Variants in TMCC1 observed in about 807,000 individuals in gnomAD.
TMCC1 encodes the protein transmembrane and coiled-coil domain family 1.
TMCC1 carries 15 observed loss-of-function variants against 52.4 expected under a neutral mutation model. The ratio of observed to expected loss-of-function variants is 0.29; its 90% CI spans 0.19 to 0.44. The LOEUF (loss-of-function observed/expected upper bound fraction) is 0.44, where lower values mean the gene tolerates loss of function less well. TMCC1 is among the 20% of genes least tolerant of loss of function. The probability of loss-of-function intolerance (pLI) is 1.00; values close to 1 mark genes in which losing one functional copy is unlikely to be tolerated. For synonymous variants in TMCC1, 279 were observed against 301.9 expected (o/e 0.92, Z 0.79); for missense variants, 503 against 806.0 (o/e 0.62, Z 4.55).
intron 4 of TMCC1, among the ~76,000 whole-genome samples, chr3:129,790,404 G>A (rs2056371850): frequency 6.6e-6 from 1 of 152,010 alleles, no homozygotes; most frequent in South Asian, 2.1e-4. Context: ...CAGAGATAGG[G>A]GTATGAACTA....
intron 4 of TMCC1, among the ~76,000 whole-genome samples, chr3:129,713,726 G>A (rs976273036): frequency 9.3e-4 from 122 of 131,208 alleles, no homozygotes; most frequent in Non-Finnish European, 8.4e-4. Flanking sequence ...AAAAAAAAAA[G>A]AAAAAAAAAA....
chr3:129,870,242 T>C (rs904866806), intron 2 of TMCC1, among the ~76,000 whole-genome samples: 2 of 152,104 alleles, frequency 1.3e-5, no homozygotes, highest in Admixed American at 6.6e-5. Flanking sequence ...GACAAACATT[T>C]CATTTTTTTC....
At chr3:129,806,137 G>A (rs188477646) in intron 4 of TMCC1, among the ~76,000 whole-genome samples, 2 of 152,202 alleles carry the variant, frequency 1.3e-5, no homozygotes, top group Admixed American at 6.5e-5. Context: ...AGCCTGTATC[G>A]AAGCCCCTTG....
intron 2 of TMCC1, among the ~76,000 whole-genome samples, chr3:129,841,076 T>A (rs552945597): frequency 3.2e-4 from 48 of 152,194 alleles, no homozygotes; most frequent in Non-Finnish European, 5.9e-4. Flanking sequence ...ATATGGACAA[T>A]GAATCCAGGC....
chr3:129,727,572 C>T (rs1416534783), intron 4 of TMCC1, among the ~76,000 whole-genome samples: 1 of 152,142 alleles, frequency 6.6e-6, no homozygotes, highest in Admixed American at 6.5e-5. Flanking sequence ...TTATAAATAA[C>T]AGGCAATCTT....
rs143749003 is a variant in TMCC1, at chr3:129,677,195, G to A, written c.577-5931C>T. ...TGGGGGGATTGCTTGAGCCTGGAAGGTCAAGGCTTCAGTGAGCTGAGATTG... is the reference window on the plus strand; with the variant it reads ...TGGGGGGATTGCTTGAGCCTGGAAGATCAAGGCTTCAGTGAGCTGAGATTG... On this transcript the variant is annotated intron_variant, in intron 4 of 6. Coordinates refer to ENST00000393238, the MANE Select transcript of TMCC1 (RefSeq NM_001017395.5). Among the ~76,000 whole-genome samples, 469 of 152,264 alleles carry A rather than the reference G, an allele frequency of 3.1e-3. 1 individual carries two copies. Among genetic ancestry groups the A allele is most frequent in the Middle Eastern group, 0.01 (3 of 294 alleles).
At chr3:129,815,720 A>G (rs1434845847) in intron 4 of TMCC1, among the ~76,000 whole-genome samples, 1 of 152,166 alleles carries the variant, frequency 6.6e-6, no homozygotes, top group Non-Finnish European at 1.5e-5. Context: ...TCAAAAGCAC[A>G]GGCAACCAAA....
intron 4 of TMCC1, among the ~76,000 whole-genome samples, chr3:129,746,931 T>A (rs1284995785): frequency 6.6e-6 from 1 of 152,208 alleles, no homozygotes; most frequent in Admixed American, 6.5e-5. Context: ...GCAACCTTTT[T>A]AATCCCAATC....
At chr3:129,711,670 C>A (rs1346620975) in intron 4 of TMCC1, among the ~76,000 whole-genome samples, 2 of 151,496 alleles carry the variant, frequency 1.3e-5, no homozygotes, top group Non-Finnish European at 2.9e-5. Context: ...CATGATGAAA[C>A]CCTAACTCTA....
At chr3:129,699,808 T>G (rs1191769769) in intron 4 of TMCC1, among the ~76,000 whole-genome samples, 2 of 152,106 alleles carry the variant, frequency 1.3e-5, no homozygotes, top group African/African-American at 4.8e-5. Flanking sequence ...GGGCATGCCT[T>G]GTAGTCTCAG....
intron 5 of TMCC1, among the ~76,000 whole-genome samples, chr3:129,667,414 C>T (rs1455039738): frequency 6.6e-6 from 1 of 151,926 alleles, no homozygotes; most frequent in Non-Finnish European, 1.5e-5. Flanking sequence ...TGTGACTTTT[C>T]CACTCCCTTT....
rs186145248 is a variant in TMCC1 at position 129,710,141 on chromosome 3, G to C, written c.577-38877C>G. Among the ~76,000 whole-genome samples, 369 of 152,178 alleles carry C rather than the reference G, an allele frequency of 2.4e-3. 4 individuals are homozygous for C. Among genetic ancestry groups the C allele is most frequent in the Admixed American group, 0.019 (291 of 15,278 alleles). On this transcript the variant is annotated intron_variant, in intron 4 of 6. Transcript: ENST00000393238. The stretch of plus-strand genomic sequence containing the variant: ...GTGGAGGTTGTGGTGGGCTGAGATC[G>C]CGCCACTGCTTTCCAGCCTGGGCGA...
intron 2 of TMCC1, among the ~76,000 whole-genome samples, chr3:129,851,634 G>C (rs916954029): frequency 6.6e-6 from 1 of 152,190 alleles, no homozygotes; most frequent in Non-Finnish European, 1.5e-5. Flanking sequence ...GTGCATTGTT[G>C]ATGGGAATGT....
At chr3:129,759,710 CTTTTTTTTTTTT>C (rs61519484) in intron 4 of TMCC1, among the ~76,000 whole-genome samples, 9 of 37,194 alleles carry the variant, frequency 2.4e-4, no homozygotes, top group East Asian at 9.1e-4. Flanking sequence ...GCCAGCCAAA[CTTTTTTTTTTTT>C]TTTTTTTTTT....
At chr3:129,868,351 G>C (rs968208773) in intron 2 of TMCC1, among the ~76,000 whole-genome samples, 2 of 152,234 alleles carry the variant, frequency 1.3e-5, no homozygotes, top group South Asian at 4.1e-4. Flanking sequence ...ATCACATGCA[G>C]AGCCATCTGA....
chr3:129,754,530 A>C (rs1311749008), intron 4 of TMCC1, among the ~76,000 whole-genome samples: 1 of 152,224 alleles, frequency 6.6e-6, no homozygotes, highest in Non-Finnish European at 1.5e-5. Flanking sequence ...GATCAATGGA[A>C]TACAATAGAG....
At chr3:129,889,620 C>G (rs1229888482) in intron 1 of TMCC1, among the ~76,000 whole-genome samples, 1 of 152,114 alleles carries the variant, frequency 6.6e-6, no homozygotes, top group East Asian at 1.9e-4. Flanking sequence ...ATTTTAAAGT[C>G]TATTTTTAAA....
chr3:129,714,296 T>C (rs1197737627), intron 4 of TMCC1, among the ~76,000 whole-genome samples: 3 of 152,226 alleles, frequency 2.0e-5, no homozygotes, highest in Non-Finnish European at 4.4e-5. Context: ...TGCACTTTGA[T>C]AGAGATTACA....
rs75705186 is a variant in TMCC1, at chr3:129,837,299, A to G, written c.-183-4473T>C. On this transcript the variant is annotated intron_variant, in intron 2 of 6. Coordinates refer to ENST00000393238, the MANE Select transcript of TMCC1 (RefSeq NM_001017395.5). ...CCACTAACTGACAGGCTTTGAGTAA[A>G]AACAATGGAATACACCTGAGAAAGC... Among the ~76,000 whole-genome samples the G allele has an allele frequency of 2.0e-4, 30 of 152,242 alleles. No homozygotes were observed. In the East Asian group the frequency reaches 5.8e-3, roughly 29 times the overall value.
Sources: allele counts gnomAD v4.1 joint callset (sites outside exome capture counted in the v4.1 genomes callset), GRCh38; gene constraint gnomAD v4.1.1; transcripts MANE v1.5; gene names NCBI Gene and HGNC (gene_info 2026-07-23, HGNC 2026-07-21).